The following ETV6 variants were observed in gnomAD, a reference collection of about 807,000 sequenced individuals.
ETV6 encodes transcription factor ETV6.
Under a neutral mutation model 51.1 loss-of-function variants are expected in ETV6, and 16 were observed. That is an observed-to-expected ratio of 0.31 (90% CI 0.21 to 0.48). The LOEUF is 0.48. Ranked by LOEUF, ETV6 falls within the 20% of genes least tolerant of loss-of-function variation. ETV6 has a pLI of 0.99. For missense variants in ETV6, 458 were observed against 594.8 expected (o/e 0.77, Z 2.39); for synonymous variants, 240 against 224.1 (o/e 1.07, Z -0.64).
At chr12:11,846,762 G>C (rs1946472217) in intron 3 of ETV6, among the ~76,000 whole-genome samples, 1 of 152,200 alleles carries the variant, frequency 6.6e-6, no homozygotes, top group African/African-American at 2.4e-5. Context: ...CTCACTCACT[G>C]ATTATTTTTT....
rs1398893813 is a variant in ETV6 at position 11,813,948 on chromosome 12, T to G, written c.164-25192T>G. Among the ~76,000 whole-genome samples the G allele has an allele frequency of 2.0e-5, 3 of 152,246 alleles. No homozygotes were observed. The East Asian group carries it at 5.8e-4, about 29-fold the overall frequency. On this transcript the variant is annotated intron_variant, in intron 2 of 7. Transcript: ENST00000396373. ...TTCCAGGGAGTATCAAGCACTTCCT[T>G]GTAAATTCTTACAAGGCATGAATTA...
At chr12:11,709,402 C>G (rs575024542) in intron 1 of ETV6, among the ~76,000 whole-genome samples, 1 of 152,232 alleles carries the variant, frequency 6.6e-6, no homozygotes, top group South Asian at 2.1e-4. Context: ...TGAGGTCTCG[C>G]TATGTTGTGC....
intron 2 of ETV6, among the ~76,000 whole-genome samples, chr12:11,758,917 A>G (rs1008087246): frequency 6.6e-6 from 1 of 152,160 alleles, no homozygotes; most frequent in African/African-American, 2.4e-5. Context: ...TTTTACATCC[A>G]AATGCTTGAA....
At chr12:11,762,356 G>A (rs908766504) in intron 2 of ETV6, among the ~76,000 whole-genome samples, 2 of 152,094 alleles carry the variant, frequency 1.3e-5, no homozygotes, top group South Asian at 2.1e-4. Context: ...TGTGATTAGC[G>A]GCAATCCCCT....
At chr12:11,875,783 C>T (rs1253297511) in intron 5 of ETV6, among the ~76,000 whole-genome samples, 2 of 152,146 alleles carry the variant, frequency 1.3e-5, no homozygotes. Flanking sequence ...AAGTGTGAGC[C>T]AAATCCAGCC....
Position 11,746,790 on chromosome 12 carries a change from CT to C in ETV6, c.34-5637del, listed in dbSNP as rs56135545. ...CTTATTGCTAATGCTCTCTCTCTCT[CT>C]TTTTTTTTTTTTTTTTTTTTTTAAT... On this transcript the variant is annotated intron_variant, in intron 1 of 7. Coordinates refer to ENST00000396373, the MANE Select transcript of ETV6 (RefSeq NM_001987.5). Among the ~76,000 whole-genome samples, 823 of 118,606 alleles carry C rather than the reference CT, an allele frequency of 6.9e-3. 8 individuals carry two copies. The highest frequency in any genetic ancestry group is 0.023 in the African/African-American group (751 of 32,378). 77.8% of individuals were successfully genotyped at this position (118,606 alleles called of 152,430 possible).
chr12:11,885,268 C>T (rs1383595395), intron 6 of ETV6, among the ~76,000 whole-genome samples: 4 of 152,158 alleles, frequency 2.6e-5, no homozygotes, highest in Non-Finnish European at 4.4e-5. Flanking sequence ...GGCAGGGAGG[C>T]CCAGCCAGGT....
chr12:11,784,553 A>T (rs1455547776), intron 2 of ETV6, among the ~76,000 whole-genome samples: 1 of 152,174 alleles, frequency 6.6e-6, no homozygotes, highest in Admixed American at 6.5e-5. Context: ...ACAACAATAA[A>T]GACCTTGAGG....
At position 11,846,217 on chromosome 12, in the gene ETV6, C is replaced by A. The variant is rs766103669; in HGVS notation, c.328+6913C>A. 7.6e-4 allele frequency among the ~76,000 whole-genome samples: 98 copies of A among 129,450 alleles called. 1 individual carries two copies. In the Middle Eastern group the frequency reaches 0.01, roughly 14 times the overall value. 84.9% of individuals were successfully genotyped at this position (129,450 alleles called of 152,430 possible). A position where few individuals can be genotyped will look rare whatever the true frequency, so the allele number is the denominator to read the frequency against. On this transcript the variant is annotated intron_variant, in intron 3 of 7. Transcript: ENST00000396373. The stretch of plus-strand genomic sequence containing the variant: ...TAAAAAGTACCTCTCCCACACCAGG[C>A]ATACTCTTACTTTAAAAAAAAAAAA...
intron 1 of ETV6, among the ~76,000 whole-genome samples, chr12:11,684,295 A>G (rs1331245629): frequency 6.6e-6 from 1 of 152,276 alleles, no homozygotes; most frequent in East Asian, 1.9e-4. Flanking sequence ...ATTTTTTGAA[A>G]TGTTACTAAT....
intron 5 of ETV6, among the ~76,000 whole-genome samples, chr12:11,874,245 T>A (rs1946927892): frequency 6.6e-6 from 1 of 151,710 alleles, no homozygotes. Flanking sequence ...GGCATGGTGG[T>A]GCACACCTGT....
At chr12:11,745,532 T>C (rs370776999) in intron 1 of ETV6, among the ~76,000 whole-genome samples, 3 of 152,318 alleles carry the variant, frequency 2.0e-5, no homozygotes, top group East Asian at 3.9e-4. Context: ...AGGCCACATA[T>C]ATCCTTAATG....
intron 2 of ETV6, chr12:11,825,604 G>A (rs74060867): frequency 1.1e-4 from 17 of 152,180 alleles, no homozygotes; most frequent in African/African-American, 1.7e-4. Flanking sequence ...ACTTAATGAC[G>A]TCTGCAAAGA....
intron 5 of ETV6, among the ~76,000 whole-genome samples, chr12:11,883,276 C>CTTCTTTTTTTTTTTTT (rs776231778): frequency 5.1e-5 from 4 of 79,112 alleles, no homozygotes; most frequent in African/African-American, 3.0e-4. Context: ...ATGTCTTCTT[C>CTTCTTTTTTTTTTTTT]TTTTTTTTTT....
chr12:11,869,765 A>T lies in ETV6; in HGVS notation c.805A>T (p.Met269Leu). 1.2e-6 allele frequency: 2 copies of T among 1,613,310 alleles called. No individual in the cohort carries two copies. The highest frequency in any genetic ancestry group is 1.7e-6 in the Non-Finnish European group (2 of 1,179,978). Residue 269 changes from methionine to leucine, a missense_variant, in exon 5 of 8, where the codon ATG becomes TTG. Met to Leu is a conservative substitution (Grantham distance 15). This residue lies in a region of ETV6 where 293 missense variants were observed against 315.7 expected (regional missense o/e 0.93). Coordinates refer to ENST00000396373, the MANE Select transcript of ETV6 (RefSeq NM_001987.5). The surrounding 1 kb of genome is among the most constrained non-coding windows in gnomAD (Gnocchi z 5.0). ...GGAGAGCACACGCGTGATCCAGCTG[A>T]TGCCCAGCCCCATCATGCACCCTCT... is the stretch of plus-strand genomic sequence containing the variant. ...RQESTRVIQL[M>L]PSPIMHPLIL...
Position 11,869,829 on chromosome 12 carries a change from C to G in ETV6, c.869C>G (p.Ser290Cys). Residue 290 changes from serine (S) to cysteine (C), a missense_variant, in exon 5 of 8, where the codon TCC becomes TGC. By Grantham distance (112) the Ser-to-Cys change is moderately radical (BLOSUM62 -1). Coordinates refer to ENST00000396373, the MANE Select transcript of ETV6 (RefSeq NM_001987.5). The surrounding 1 kb of genome is among the most constrained non-coding windows in gnomAD (Gnocchi z 5.0). ...NPRHSVDFKQ[S>C]RLSEDGLHRE... ...CGGCACTCCGTGGATTTCAAACAGTCCAGGCTCTCCGAGGACGGGCTGCAT... is the reference window on the plus strand; with the variant it reads ...CGGCACTCCGTGGATTTCAAACAGTGCAGGCTCTCCGAGGACGGGCTGCAT... 6 of 1,613,408 alleles carry G rather than the reference C, an allele frequency of 3.7e-6. No homozygotes were observed. Among genetic ancestry groups the G allele is most frequent in the Non-Finnish European group, 5.1e-6 (6 of 1,180,046 alleles).
chr12:11,878,871 T>A (rs1280464794), intron 5 of ETV6, among the ~76,000 whole-genome samples: 1 of 150,616 alleles, frequency 6.6e-6, no homozygotes, highest in South Asian at 2.1e-4. Flanking sequence ...CTGAATGTTG[T>A]AAACCGTGTT....
intron 3 of ETV6, among the ~76,000 whole-genome samples, chr12:11,849,525 AAAG>A (rs1946515350): frequency 6.6e-6 from 1 of 152,248 alleles, no homozygotes; most frequent in Non-Finnish European, 1.5e-5. Flanking sequence ...ACTGGAAATG[AAAG>A]AAGATGGAGG....
At chr12:11,727,001 G>T (rs1226710286) in intron 1 of ETV6, among the ~76,000 whole-genome samples, 1 of 152,194 alleles carries the variant, frequency 6.6e-6, no homozygotes, top group Non-Finnish European at 1.5e-5. Flanking sequence ...TCACACAGCT[G>T]GGAAATATCA....
Sources: gnomAD v4.1 joint callset for allele counts (sites outside exome capture counted in the v4.1 genomes callset) on GRCh38, gnomAD v4.1.1 for gene constraint, gnomAD v4.1.1 regional missense constraint, Gnocchi (gnomAD v3.1) non-coding constraint, MANE v1.5 for transcripts, NCBI Gene and HGNC (gene_info 2026-07-23, HGNC 2026-07-21) for gene names.